The following FHOD3 variants were observed in gnomAD, a reference collection of about 807,000 sequenced individuals.
FHOD3 encodes FH1/FH2 domain-containing protein 3.
Under a neutral mutation model 173.0 loss-of-function variants are expected in FHOD3, and 90 were observed. That is an observed-to-expected ratio of 0.52 (90% CI 0.44 to 0.62). The LOEUF is 0.62. Ranked by LOEUF, FHOD3 falls within the 20% of genes least tolerant of loss-of-function variation. The pLI is 0.00. For missense variants in FHOD3, 1,945 were observed against 2,034.7 expected (o/e 0.96, Z 0.85); for synonymous variants, 828 against 823.0 (o/e 1.01, Z -0.10).
intron 3 of FHOD3, among the ~76,000 whole-genome samples, chr18:36,477,232 A>T (rs1784500602): frequency 6.6e-6 from 1 of 152,220 alleles, no homozygotes; most frequent in Admixed American, 6.5e-5. Flanking sequence ...TGAGGTTGGG[A>T]TGGTGCAGTT....
At chr18:36,656,554 A>G (rs1168243518) in intron 13 of FHOD3, among the ~76,000 whole-genome samples, 1 of 152,072 alleles carries the variant, frequency 6.6e-6, no homozygotes, top group Admixed American at 6.5e-5. Context: ...TCAATATTTT[A>G]TTTTCCATTA....
rs371824900 is a variant in FHOD3, at chr18:36,625,678, G to A, written c.1125G>A (p.Ser375=). The A allele has an allele frequency of 4.5e-4, 729 of 1,611,774 alleles. 1 individual carries two copies. The highest frequency in any genetic ancestry group is 5.8e-4 in the Non-Finnish European group (678 of 1,178,814). ...HSVQSIKSTL[S]APTSPCSQSA... is the part of the protein sequence containing the mutation. Reference sequence around the variant, plus strand: ...TGCAGAGCATCAAGAGCACCCTGTCGGCCCCCACCAGTCCCTGCTCCCAGT... The same window carrying A: ...TGCAGAGCATCAAGAGCACCCTGTCAGCCCCCACCAGTCCCTGCTCCCAGT... Residue 375 remains serine (S), a synonymous_variant, in exon 10 of 29, where the codon TCG becomes TCA. Transcript: ENST00000590592.
intron 9 of FHOD3, among the ~76,000 whole-genome samples, chr18:36,615,286 TTATTAA>T (rs1414561071): frequency 3.0e-4 from 45 of 152,236 alleles, no homozygotes; most frequent in African/African-American, 9.6e-4. Context: ...CTGATCAGTC[TTATTAA>T]TAGTAATACA....
chr18:36,326,597 G>C (rs1598723639), intron 1 of FHOD3, among the ~76,000 whole-genome samples: 1 of 151,880 alleles, frequency 6.6e-6, no homozygotes, highest in East Asian at 1.9e-4. Context: ...GTGAGAGCCT[G>C]TCTCTACAAA....
At chr18:36,741,418 A>G (rs2041896577) in intron 21 of FHOD3, among the ~76,000 whole-genome samples, 1 of 152,124 alleles carries the variant, frequency 6.6e-6, no homozygotes, top group Non-Finnish European at 1.5e-5. Context: ...AAAGGAGGAG[A>G]TGGAAAGTGA....
intron 25 of FHOD3, among the ~76,000 whole-genome samples, chr18:36,757,388 A>G (rs1282882195): frequency 1.3e-5 from 2 of 152,178 alleles, no homozygotes; most frequent in Non-Finnish European, 2.9e-5. Flanking sequence ...TTAAGGGCTC[A>G]TTGTGCATCC....
At chr18:36,395,660 T>A (rs2048522968) in intron 3 of FHOD3, among the ~76,000 whole-genome samples, 1 of 152,234 alleles carries the variant, frequency 6.6e-6, no homozygotes, top group Admixed American at 6.5e-5. Context: ...ACAAATTAAG[T>A]GTATAACAGA....
intron 5 of FHOD3, among the ~76,000 whole-genome samples, chr18:36,543,477 C>T (rs2057302115): frequency 6.6e-6 from 1 of 152,110 alleles, no homozygotes; most frequent in Non-Finnish European, 1.5e-5. Context: ...ATATATGTCC[C>T]CTTCTTTTGT....
chr18:36,420,099 G>A (rs184376105), intron 3 of FHOD3, among the ~76,000 whole-genome samples: 37 of 152,268 alleles, frequency 2.4e-4, no homozygotes, highest in South Asian at 4.1e-4. Flanking sequence ...CTTGGAATGC[G>A]GAGCCTGGAA....
At chr18:36,428,726 C>T (rs570537013) in intron 3 of FHOD3, among the ~76,000 whole-genome samples, 2 of 152,196 alleles carry the variant, frequency 1.3e-5, no homozygotes, top group African/African-American at 4.8e-5. Flanking sequence ...TTGAACATGA[C>T]AGCAGAATGA....
chr18:36,400,372 A>G (rs1024888288), intron 3 of FHOD3, among the ~76,000 whole-genome samples: 2 of 152,174 alleles, frequency 1.3e-5, no homozygotes, highest in Admixed American at 6.5e-5. Context: ...GGAGAGGACA[A>G]TGGTCTTGTA....
chr18:36,427,287 A>G (rs4413037), intron 3 of FHOD3, among the ~76,000 whole-genome samples: 2 of 44,016 alleles, frequency 4.5e-5, no homozygotes, highest in African/African-American at 1.1e-4. Context: ...TTGCTTCTCT[A>G]AAAAAAAAAA....
chr18:36,393,134 G>T (rs1046355949), intron 3 of FHOD3, among the ~76,000 whole-genome samples: 3 of 152,250 alleles, frequency 2.0e-5, no homozygotes, highest in African/African-American at 4.8e-5. Flanking sequence ...CAGAGTGTCT[G>T]CCATGCTGGC....
intron 3 of FHOD3, among the ~76,000 whole-genome samples, chr18:36,449,273 A>G (rs2051683487): frequency 6.6e-6 from 1 of 151,140 alleles, no homozygotes; most frequent in African/African-American, 2.5e-5. Context: ...AATGGTACAT[A>G]TATGTTTTAA....
Position 36,709,290 on chromosome 18 carries a change from T to C in FHOD3, c.2432T>C (p.Val811Ala). Residue 811 changes from valine to alanine, a missense_variant, in exon 18 of 29, where the codon GTG becomes GCG. This residue lies in a region of FHOD3 where 1,099 missense variants were observed against 1,051.2 expected (regional missense o/e 1.05). Transcript: ENST00000590592. Reference protein sequence around the residue: ...LSEKERQNEGVNERDNCSASS... With the variant: ...LSEKERQNEGANERDNCSASS... ...GAAAAAGAGAGGCAGAACGAGGGGG[T>C]GAACGAGAGGGACAACTGCTCTGCC... 6.2e-7 allele frequency: 1 copy of C among 1,613,634 alleles called. No homozygotes were observed. Among genetic ancestry groups the C allele is most frequent in the Non-Finnish European group, 8.5e-7 (1 of 1,179,924 alleles).
At chr18:36,689,998 C>G (rs1003087628) in intron 16 of FHOD3, among the ~76,000 whole-genome samples, 1 of 152,072 alleles carries the variant, frequency 6.6e-6, no homozygotes, top group East Asian at 1.9e-4. Context: ...GTAAGTAGGT[C>G]TAGGTTAATC....
intron 24 of FHOD3, among the ~76,000 whole-genome samples, chr18:36,748,562 A>G (rs961514873): frequency 2.0e-5 from 3 of 152,102 alleles, no homozygotes; most frequent in Non-Finnish European, 4.4e-5. Flanking sequence ...CTATTTCTTA[A>G]GCTATAAAGT....
chr18:36,364,915 G>A (rs1353828156), intron 2 of FHOD3, among the ~76,000 whole-genome samples: 2 of 152,176 alleles, frequency 1.3e-5, no homozygotes, highest in African/African-American at 2.4e-5. Flanking sequence ...GAAGGGTGGT[G>A]GGGGCAGAGG....
At chr18:36,414,633 C>T (rs954506192) in intron 3 of FHOD3, among the ~76,000 whole-genome samples, 11 of 152,288 alleles carry the variant, frequency 7.2e-5, no homozygotes, top group South Asian at 4.1e-4. Context: ...GGGATGATCC[C>T]GTGGCCCCTG....
Sources: gnomAD v4.1 joint callset for allele counts (sites outside exome capture counted in the v4.1 genomes callset) on GRCh38, gnomAD v4.1.1 for gene constraint, gnomAD v4.1.1 regional missense constraint, MANE v1.5 for transcripts, NCBI Gene and HGNC (gene_info 2026-07-23, HGNC 2026-07-21) for gene names.